The following TDRD12 variants were observed in gnomAD, a reference collection of about 807,000 sequenced individuals.
TDRD12 encodes tudor domain containing 12.
In TDRD12, 158 loss-of-function variants were observed where a neutral mutation model predicts 133.5. That is an observed-to-expected ratio of 1.18 (90% CI 1.04 to 1.35). The LOEUF is 1.35. Ranked by LOEUF, TDRD12 falls within the 40% of genes most tolerant of loss-of-function variation. The pLI, the probability that TDRD12 is intolerant of heterozygous loss-of-function variation, is 0.00. For synonymous variants in TDRD12, 460 were observed against 477.9 expected (o/e 0.96, Z 0.49); for missense variants, 1,443 against 1,321.3 (o/e 1.09, Z -1.43).
intron 6 of TDRD12, among the ~76,000 whole-genome samples, chr19:32,751,003 A>G (rs1198681716): frequency 6.6e-6 from 1 of 152,104 alleles, no homozygotes; most frequent in Non-Finnish European, 1.5e-5. Context: ...GGTTTGTTAC[A>G]TAGGTAAACA....
intron 21 of TDRD12, among the ~76,000 whole-genome samples, chr19:32,807,267 T>TAAAAAAAAAAAAAAAA (rs59421213): frequency 6.4e-5 from 3 of 47,206 alleles, no homozygotes; most frequent in Admixed American, 3.0e-4. Context: ...ACCAAACTCT[T>TAAAAAAAAAAAAAAAA]AAAAAAAAAA....
intron 15 of TDRD12, 97 bp from the exon 16 acceptor site, chr19:32,798,211 A>T: frequency 8.2e-7 from 1 of 1,226,914 alleles, no homozygotes; most frequent in Non-Finnish European, 1.1e-6. Context: ...TTACTTCATT[A>T]GAAGGCATTT....
intron 11 of TDRD12, among the ~76,000 whole-genome samples, chr19:32,790,072 G>A (rs1222407786): frequency 1.3e-5 from 2 of 152,198 alleles, no homozygotes; most frequent in East Asian, 3.9e-4. Flanking sequence ...AGTTTGCCAT[G>A]TGTGTAACCC....
At chr19:32,813,545 G>A (rs1967077484) in intron 24 of TDRD12, 139 bp from the exon 25 acceptor site, 7 of 582,298 alleles carry the variant, frequency 1.2e-5, no homozygotes, top group Non-Finnish European at 1.8e-5. Flanking sequence ...ACGAGAGGGG[G>A]TGATGACCTC....
intron 24 of TDRD12, among the ~76,000 whole-genome samples, chr19:32,812,108 A>G (rs185318012): frequency 6.6e-6 from 1 of 152,348 alleles, no homozygotes; most frequent in East Asian, 1.9e-4. Context: ...GAAAGCAAAG[A>G]GAACCACTTG....
At chr19:32,756,799 A>G (rs1427032438) in intron 7 of TDRD12, among the ~76,000 whole-genome samples, 1 of 152,214 alleles carries the variant, frequency 6.6e-6, no homozygotes, top group African/African-American at 2.4e-5. Flanking sequence ...TAAAAAAAAG[A>G]GCTATTTATC....
At chr19:32,720,228 C>G in intron 1 of TDRD12, 132 bp downstream of exon 1, 1 of 917,030 alleles carries the variant, frequency 1.1e-6, no homozygotes, top group East Asian at 2.8e-5. Flanking sequence ...GCACAGCCTC[C>G]CACCCCCGAC....
chr19:32,825,842 T>G (rs1318678699), downstream of TDRD12, among the ~76,000 whole-genome samples: 1 of 152,158 alleles, frequency 6.6e-6, no homozygotes, highest in East Asian at 1.9e-4. The surrounding 1 kb of genome is among the most constrained non-coding windows in gnomAD (Gnocchi z 4.1). Context: ...ATCATACCAT[T>G]GCACTCCAGC....
chr19:32,806,739 C>A (rs949722207), intron 21 of TDRD12, among the ~76,000 whole-genome samples: 1 of 152,110 alleles, frequency 6.6e-6, no homozygotes, highest in African/African-American at 2.4e-5. Flanking sequence ...CTCACTGCAA[C>A]CTCTGCGTCC....
intron 2 of TDRD12, among the ~76,000 whole-genome samples, chr19:32,733,964 T>C (rs1429939823): frequency 6.6e-6 from 1 of 151,674 alleles, no homozygotes; most frequent in Non-Finnish European, 1.5e-5. Flanking sequence ...CCATCTCTGC[T>C]CACTGGAAGC....
chr19:32,826,322 C>T (rs1239631889), exon 8 of TDRD12: 1 of 1,384,594 alleles, frequency 7.2e-7, no homozygotes. Context: ...TAAAGGACTA[C>T]AAGTGTCAGT....
intron 4 of TDRD12, among the ~76,000 whole-genome samples, chr19:32,743,255 C>T (rs538291225): frequency 3.3e-5 from 5 of 152,362 alleles, no homozygotes; most frequent in South Asian, 2.1e-4. Context: ...GATCATGGCT[C>T]ATTGCAGCTT....
chr19:32,763,207 T>G (rs1455102643), intron 8 of TDRD12, among the ~76,000 whole-genome samples: 1 of 152,244 alleles, frequency 6.6e-6, no homozygotes, highest in Non-Finnish European at 1.5e-5. Flanking sequence ...CTTGTTTTTT[T>G]GTTCCTCTTT....
At chr19:32,781,053 C>T (rs1970750940) in intron 11 of TDRD12, among the ~76,000 whole-genome samples, 2 of 151,934 alleles carry the variant, frequency 1.3e-5, no homozygotes, top group South Asian at 4.2e-4. Flanking sequence ...CGCCATTCTC[C>T]TGCCTCAGCC....
intron 18 of TDRD12, among the ~76,000 whole-genome samples, chr19:32,801,268 C>CA (rs1399090426): frequency 6.6e-6 from 1 of 151,200 alleles, no homozygotes; most frequent in East Asian, 1.9e-4. Context: ...ATCATATAGC[C>CA]AAAAAATCAA....
exon 19 of TDRD12, chr19:32,801,839 G>A (rs1027647142): frequency 2.1e-6 from 3 of 1,453,934 alleles, no homozygotes; most frequent in African/African-American, 2.8e-5. Flanking sequence ...AACAGTGGAA[G>A]AAGAAGTTAA....
chr19:32,751,888 T>A (rs1367182330), intron 6 of TDRD12, among the ~76,000 whole-genome samples: 1 of 152,042 alleles, frequency 6.6e-6, no homozygotes, highest in Non-Finnish European at 1.5e-5. Context: ...TTATTTATTT[T>A]TTTGAGATGG....
chr19:32,806,488 G>A (rs1032390442), intron 21 of TDRD12, among the ~76,000 whole-genome samples: 5 of 150,816 alleles, frequency 3.3e-5, no homozygotes, highest in Non-Finnish European at 7.4e-5. Context: ...GATCACAGGC[G>A]TGAACCACCA....
At chr19:32,727,237 T>A (rs190580689) in intron 1 of TDRD12, among the ~76,000 whole-genome samples, 7 of 152,346 alleles carry the variant, frequency 4.6e-5, no homozygotes, top group Admixed American at 4.6e-4. Context: ...TGAGCGCCTT[T>A]TCATGTACTT....
Sources: allele counts gnomAD v4.1 joint callset (sites outside exome capture counted in the v4.1 genomes callset), GRCh38; gene constraint gnomAD v4.1.1; non-coding constraint Gnocchi (gnomAD v3.1); transcripts MANE v1.5; gene names NCBI Gene and HGNC (gene_info 2026-07-23, HGNC 2026-07-21).